DNAAF3: variants seen among roughly 807,000 people sequenced by gnomAD.
The protein encoded by DNAAF3 is UPF0470 protein C19orf51.
DNAAF3 carries 40 observed loss-of-function variants against 50.9 expected under a neutral mutation model. The observed-to-expected ratio is 0.79, with a 90% CI of 0.61 to 1.02. The LOEUF (loss-of-function observed/expected upper bound fraction) is 1.02, where lower values mean the gene tolerates loss of function less well. Among genes scored for constraint, DNAAF3 ranks in the 50% least tolerant of loss-of-function variants. DNAAF3 has a pLI of 0.00. For missense variants in DNAAF3, 763 were observed against 744.7 expected, an observed-to-expected ratio of 1.02 and a Z score of -0.29; for synonymous variants, 327 against 322.8, an observed-to-expected ratio of 1.01 and a Z score of -0.14.
chr19:55,166,328 C>CT lies in DNAAF3; in HGVS notation c.85dup (p.Ser29LysfsTer55), dbSNP rs769116944. 1.2e-6 allele frequency: 2 copies of CT among 1,613,324 alleles called. No homozygotes were observed. Among genetic ancestry groups the CT allele is most frequent in the Non-Finnish European group, 1.7e-6 (2 of 1,179,730 alleles). On this transcript the variant is annotated frameshift_variant and splice_region_variant. Coordinates refer to ENST00000524407, the MANE Select transcript of DNAAF3 (RefSeq NM_001256715.2). LOFTEE classifies it high-confidence loss of function. This position sits in a 1 kb window ranked among gnomAD's most constrained non-coding sequence, Gnocchi z 4.0. Reference sequence around the variant, plus strand: ...ATCAGACCTTGCGTGCTGGGACTCACTTTCAGCCTGCAGGTCCAGCGCCGG... The same window carrying CT: ...ATCAGACCTTGCGTGCTGGGACTCACTTTTCAGCCTGCAGGTCCAGCGCCGG...
rs139067144 is a variant in DNAAF3, at chr19:55,164,115, T to A, written c.322+1255A>T. Among the ~76,000 whole-genome samples, 424 of 152,266 alleles carry A rather than the reference T, an allele frequency of 2.8e-3. 3 individuals are homozygous for A. The highest frequency in any genetic ancestry group is 9.5e-3 in the African/African-American group (396 of 41,546). On this transcript the variant is annotated intron_variant, in intron 4 of 11. Transcript: ENST00000524407. ...CCTGCATCCCCTTCGCCTCCTGTCA[T>A]GATTGTAAGTTTCCTGAGGCCTTCC... is the stretch of plus-strand genomic sequence containing the variant.
At position 55,165,453 on chromosome 19, in the gene DNAAF3, A is replaced by C. The variant is rs2085922612; in HGVS notation, c.239T>G (p.Leu80Arg). ...WPRRRFNFFV[L>R]ENNLEAVARH... ...GGCCACAGCTTCCAGATTATTCTCC[A>C]GCACAAAGAACTAGAAGGATGGACA... The change falls in exon 4 of 12, where the codon CTG becomes CGG. Residue 80 changes from leucine to arginine, a missense_variant. Coordinates refer to ENST00000524407, the MANE Select transcript of DNAAF3 (RefSeq NM_001256715.2). The C allele has an allele frequency of 6.2e-7, 1 of 1,613,952 alleles. No homozygotes were observed. Among genetic ancestry groups the C allele is most frequent in the Non-Finnish European group, 8.5e-7 (1 of 1,180,002 alleles).
chr19:55,163,016 T>C (rs1429122734), intron 4 of DNAAF3, among the ~76,000 whole-genome samples: 3 of 124,430 alleles, frequency 2.4e-5, no homozygotes, highest in African/African-American at 9.4e-5. Context: ...TTTTTTTTTT[T>C]TTTTTTTTTT....
Position 55,160,927 on chromosome 19 carries a change from T to A in DNAAF3, c.912+138A>T. 8 of 1,450,066 alleles carry A rather than the reference T, an allele frequency of 5.5e-6. No individual in the cohort carries two copies. The highest frequency in any genetic ancestry group is 7.3e-6 in the Non-Finnish European group (8 of 1,103,260). 89.8% of individuals were successfully genotyped at this position (1,450,066 alleles called of 1,614,324 possible). A position where few individuals can be genotyped will look rare whatever the true frequency, so the allele number is the denominator to read the frequency against. ...ACCTATCCCGCGGGGATGGGGCCTG[T>A]TCTCTGAATGGAGTCGTTCCCACCA... is the stretch of plus-strand genomic sequence containing the variant. On this transcript the variant is annotated intron_variant, in intron 8 of 11. Transcript: ENST00000524407. This position sits in a 1 kb window ranked among gnomAD's most constrained non-coding sequence, Gnocchi z 4.7.
chr19:55,159,301 C>T lies in DNAAF3; in HGVS notation c.1387G>A (p.Gly463Ser), dbSNP rs368138318. 8 of 1,613,992 alleles carry T rather than the reference C, an allele frequency of 5.0e-6. No homozygotes were observed. The African/African-American group carries it at 9.3e-5, about 19-fold the overall frequency. ...GGTTCCACAGCTGGGACAGTGTTGC[C>T]CAGAGCTGATTCCTGGGACTTGCAG... ...RFCKSQESAL[G>S]NTVPAVEPGT... Residue 463 changes from glycine to serine, a missense_variant, in exon 12 of 12, where the codon GGC (glycine) becomes AGC (serine). Physicochemically the swap from Gly to Ser is moderately conservative, Grantham distance 56. Coordinates refer to ENST00000524407, the MANE Select transcript of DNAAF3 (RefSeq NM_001256715.2).
Position 55,165,237 on chromosome 19 carries a change from G to T in DNAAF3, c.322+133C>A, listed in dbSNP as rs948198059. The T allele has an allele frequency of 1.1e-4, 95 of 844,026 alleles. No homozygotes were observed. In the African/African-American group the frequency reaches 1.4e-3, roughly 13 times the overall value. The allele number at this position is 844,026 out of a possible 1,614,324, so 52.3% of individuals were successfully genotyped here. ...TGCCTAGGCTGGAGTGCAATGGCGC[G>T]ATCTCGGCTCACTGTAACCTCCGCC... On this transcript the variant is annotated intron_variant, in intron 4 of 11. Coordinates refer to ENST00000524407, the MANE Select transcript of DNAAF3 (RefSeq NM_001256715.2).
chr19:55,159,158 G>C lies in DNAAF3; in HGVS notation c.1530C>G (p.Pro510=). 2 of 1,613,818 alleles carry C rather than the reference G, an allele frequency of 1.2e-6. No individual in the cohort carries two copies. Among genetic ancestry groups the C allele is most frequent in the African/African-American group, 1.3e-5 (1 of 75,056 alleles). ...CTGAGAGTGAACCTGGAGACTCAGA[G>C]GGCAGCTGGCAGGGCTCACAGTGTG... is the stretch of plus-strand genomic sequence containing the variant. ...GTPHCEPCQL[P]SESPGSLSEV... The change falls in exon 12 of 12, where the codon CCC becomes CCG. Residue 510 remains proline (P), a synonymous_variant. Transcript: ENST00000524407.
rs1321714225 is a variant in DNAAF3 at position 55,160,667 on chromosome 19, C to T, written c.1021G>A (p.Glu341Lys). 1 of 1,613,964 alleles carries T rather than the reference C, an allele frequency of 6.2e-7. No individual in the cohort carries two copies. Among genetic ancestry groups the T allele is most frequent in the Admixed American group, 1.7e-5 (1 of 60,026 alleles). Residue 341 changes from glutamate to lysine, a missense_variant, in exon 9 of 12, where the codon GAG becomes AAG. Coordinates refer to ENST00000524407, the MANE Select transcript of DNAAF3 (RefSeq NM_001256715.2). The surrounding 1 kb of genome is among the most constrained non-coding windows in gnomAD (Gnocchi z 4.7). The part of the protein sequence containing the change: ...GGDLEEQQHA[E>K]GSPEPGTPAA... Reference sequence around the variant, plus strand: ...GGAGTCCCTGGCTCCGGGCTTCCCTCCGCGTGCTGCTGCTCCTCCAGGTCC... The same window carrying T: ...GGAGTCCCTGGCTCCGGGCTTCCCTTCGCGTGCTGCTGCTCCTCCAGGTCC...
At position 55,161,010 on chromosome 19, in the gene DNAAF3, G is replaced by T; in HGVS notation, c.912+55C>A. On this transcript the variant is annotated intron_variant, in intron 8 of 11. Coordinates refer to ENST00000524407, the MANE Select transcript of DNAAF3 (RefSeq NM_001256715.2). This position sits in a 1 kb window ranked among gnomAD's most constrained non-coding sequence, Gnocchi z 6.4. Reference sequence around the variant, plus strand: ...GCCTGCTGTGGGGGCGGGGCCTTGCGCACCCACCGACCCCCAGCCCCACCT... The same window carrying T: ...GCCTGCTGTGGGGGCGGGGCCTTGCTCACCCACCGACCCCCAGCCCCACCT... The T allele has an allele frequency of 1.3e-6, 2 of 1,494,142 alleles. No homozygotes were observed. The highest frequency in any genetic ancestry group is 2.2e-5 in the Admixed American group (1 of 46,150). The allele number at this position is 1,494,142 out of a possible 1,614,324, so 92.6% of individuals were successfully genotyped here.
chr19:55,165,339 CG>C (rs1191827135), intron 4 of DNAAF3, 30 bp downstream of exon 4: 12 of 1,594,240 alleles, frequency 7.5e-6, no homozygotes, highest in Non-Finnish European at 1.0e-5. Flanking sequence ...AGGAGACCAG[CG>C]GTCAGAATGC....
chr19:55,162,451 G>C, intron 4 of DNAAF3, 161 bp from the exon 5 acceptor site: 1 of 943,766 alleles, frequency 1.1e-6, no homozygotes, highest in African/African-American at 1.7e-5. Flanking sequence ...GCCGGACATG[G>C]TGGCGGGCGC....
rs368817298 is a variant in DNAAF3, at chr19:55,159,982, G to A, written c.1080C>T (p.His360=). 1.2e-6 allele frequency: 2 copies of A among 1,613,818 alleles called. No homozygotes were observed. The highest frequency in any genetic ancestry group is 1.7e-5 in the Admixed American group (1 of 59,998). The change falls in exon 10 of 12, where the codon CAC becomes CAT. Residue 360 remains histidine, a synonymous_variant. Transcript: ENST00000524407. ...AAPTPESFTV[H]FLPLNSAQTL... is the part of the protein sequence containing the mutation. ...TCTGAGCAGAATTGAGCGGCAGGAAGTGGACGGTGAAAGATTCCGGGGTCG... is the reference window on the plus strand; with the variant it reads ...TCTGAGCAGAATTGAGCGGCAGGAAATGGACGGTGAAAGATTCCGGGGTCG...
Position 55,160,762 on chromosome 19 carries a change from A to G in DNAAF3, c.926T>C (p.Ile309Thr). 6.2e-7 allele frequency: 1 copy of G among 1,610,978 alleles called. No individual in the cohort carries two copies. Reference sequence around the variant, plus strand: ...CAGCTCCGTCACGTTGTGTTGAGTGATCTCCCCGGCCGTCTAACAGTAGAA... The same window carrying G: ...CAGCTCCGTCACGTTGTGTTGAGTGGTCTCCCCGGCCGTCTAACAGTAGAA... ...NGQPVKTAGEITQHNVTELLR... is the reference protein window; with the variant it reads ...NGQPVKTAGETTQHNVTELLR... Residue 309 changes from isoleucine to threonine, a missense_variant, in exon 9 of 12, where the codon ATC (isoleucine) becomes ACC (threonine). Physicochemically the swap from Ile to Thr is moderately conservative, Grantham distance 89. Transcript: ENST00000524407. The surrounding 1 kb of genome is among the most constrained non-coding windows in gnomAD (Gnocchi z 4.7).
intron 4 of DNAAF3, chr19:55,162,783 C>T (rs1313420150): frequency 1.0e-5 from 7 of 677,216 alleles, no homozygotes; most frequent in Middle Eastern, 7.4e-4. Context: ...GTGTATGGGA[C>T]CATGTGTACA....
chr19:55,162,072 A>T (rs1425262374), intron 5 of DNAAF3, 61 bp downstream of exon 5: 1 of 1,264,792 alleles, frequency 7.9e-7, no homozygotes, highest in Non-Finnish European at 1.0e-6. Flanking sequence ...CGTCCTTTGG[A>T]CTGTGCGCTT....
Position 55,161,145 on chromosome 19 carries a change from C to T in DNAAF3, c.832G>A (p.Ala278Thr), listed in dbSNP as rs200775946. The T allele has an allele frequency of 2.4e-3, 3,801 of 1,553,668 alleles. 14 individuals carry two copies. The highest frequency in any genetic ancestry group is 2.8e-3 in the Non-Finnish European group (3,211 of 1,150,102). Residue 278 changes from alanine to threonine, a missense_variant, in exon 8 of 12, where the codon GCC becomes ACC. Coordinates refer to ENST00000524407, the MANE Select transcript of DNAAF3 (RefSeq NM_001256715.2). The surrounding 1 kb of genome is among the most constrained non-coding windows in gnomAD (Gnocchi z 6.4). ...VAARGYWGDI[A>T]TGPFVAFGIE... ...CCGAAGGCCACGAAGGGCCCCGTGG[C>T]GATGTCCCCCCAGTACCCGCGCGCT...
At position 55,166,580 on chromosome 19, in the gene DNAAF3, G is replaced by A; in HGVS notation, c.-62C>T. The A allele has an allele frequency of 2.5e-6, 4 of 1,614,142 alleles. No homozygotes were observed. Among genetic ancestry groups the A allele is most frequent in the Non-Finnish European group, 3.4e-6 (4 of 1,180,018 alleles). ...CCTCTCTGCTCAGTGCAGCACTGTG[G>A]ACCCGCGGCACTCCACAACCGCTGC... is the stretch of plus-strand genomic sequence containing the variant. On this transcript the variant is annotated 5_prime_UTR_variant, in exon 1 of 12. Coordinates refer to ENST00000524407, the MANE Select transcript of DNAAF3 (RefSeq NM_001256715.2). The surrounding 1 kb of genome is among the most constrained non-coding windows in gnomAD (Gnocchi z 4.0).
Position 55,159,919 on chromosome 19 carries a change from C to T in DNAAF3, c.1143G>A (p.Gln381=), listed in dbSNP as rs1568862757. 1 of 1,613,824 alleles carries T rather than the reference C, an allele frequency of 6.2e-7. No homozygotes were observed. Among genetic ancestry groups the T allele is most frequent in the South Asian group, 1.1e-5 (1 of 91,068 alleles). ...HHKSCYNGRF[Q]LLYVACGMVH... ...CTTACCCACAGGCCACATAGAGGAG[C>T]TGGAATCGGCCGTTGTAGCAGCTCT... The change falls in exon 10 of 12, where the codon CAG becomes CAA. Residue 381 remains glutamine (Q), a synonymous_variant. Transcript: ENST00000524407.
In DNAAF3 at chr19:55,161,551, A is replaced by C. The variant is rs1276757339; in HGVS notation, c.663+92T>G. ...CTCAGACCCAGGAGTTCAGGCCCCC[A>C]AACCCTCCTCCCTCAGACTCAGGAG... On this transcript the variant is annotated intron_variant, in intron 6 of 11. Transcript: ENST00000524407. The surrounding 1 kb of genome is among the most constrained non-coding windows in gnomAD (Gnocchi z 6.4). 1.4e-6 allele frequency: 2 copies of C among 1,471,520 alleles called. No homozygotes were observed. Among genetic ancestry groups the C allele is most frequent in the Non-Finnish European group, 1.8e-6 (2 of 1,112,488 alleles). 91.2% of individuals were successfully genotyped at this position (1,471,520 alleles called of 1,614,324 possible).
Sources: gnomAD v4.1 joint callset for allele counts (sites outside exome capture counted in the v4.1 genomes callset) on GRCh38, gnomAD v4.1.1 for gene constraint, Gnocchi (gnomAD v3.1) non-coding constraint, MANE v1.5 for transcripts, NCBI Gene and HGNC (gene_info 2026-07-23, HGNC 2026-07-21) for gene names.